The following FAT3 variants were observed in gnomAD, a reference collection of about 807,000 sequenced individuals.
FAT3 encodes the protein FAT atypical cadherin 3.
In FAT3, 95 loss-of-function variants were observed where a neutral mutation model predicts 310.2. The observed-to-expected ratio is 0.31, with a 90% confidence interval of 0.26 to 0.36. FAT3 has a LOEUF of 0.36. Ranked by LOEUF, FAT3 falls within the 10% of genes least tolerant of loss-of-function variation. The probability of loss-of-function intolerance (pLI) is 1.00; values close to 1 mark genes in which losing one functional copy is unlikely to be tolerated. For missense variants in FAT3, 5,408 were observed against 5,715.6 expected, an observed-to-expected ratio of 0.95 and a Z score of 1.74; for synonymous variants, 2,314 against 2,192.9, an observed-to-expected ratio of 1.06 and a Z score of -1.54.
Position 92,724,656 on chromosome 11 carries a change from A to G in FAT3, c.3669+27211A>G, listed in dbSNP as rs567980232. 2.6e-5 allele frequency among the ~76,000 whole-genome samples: 4 copies of G among 152,360 alleles called. No homozygotes were observed. In the South Asian group the frequency reaches 8.3e-4, roughly 32 times the overall value. On this transcript the variant is annotated intron_variant, in intron 4 of 27. Coordinates refer to ENST00000525166, the MANE Select transcript of FAT3 (RefSeq NM_001367949.2). The stretch of plus-strand genomic sequence containing the variant: ...TTATGAAGATGATTTGGGTATGTTA[A>G]GTACACACTCACAGTATTCATGTGT...
At chr11:92,240,439 G>C (rs1204623865) in intron 1 of FAT3, among the ~76,000 whole-genome samples, 1 of 151,868 alleles carries the variant, frequency 6.6e-6, no homozygotes, top group Non-Finnish European at 1.5e-5. Context: ...AGCCATGGCT[G>C]TATGTGTAAT....
At chr11:92,713,426 G>A (rs1234481048) in intron 4 of FAT3, among the ~76,000 whole-genome samples, 2 of 152,154 alleles carry the variant, frequency 1.3e-5, no homozygotes, top group Non-Finnish European at 1.5e-5. Context: ...TTTCTCTAAA[G>A]TGCTCAATTT....
At chr11:92,573,626 A>G (rs1938305605) in intron 3 of FAT3, among the ~76,000 whole-genome samples, 1 of 152,164 alleles carries the variant, frequency 6.6e-6, no homozygotes, top group African/African-American at 2.4e-5. Flanking sequence ...GGACAGAAAA[A>G]GAGAAGACAT....
At chr11:92,366,581 C>A in intron 2 of FAT3, 1 of 520,628 alleles carries the variant, frequency 1.9e-6, no homozygotes, top group South Asian at 1.5e-5. Context: ...TGATGGGCTT[C>A]AAGTCCTTGT....
chr11:92,436,780 T>G (rs1950949387), intron 2 of FAT3, among the ~76,000 whole-genome samples: 1 of 152,196 alleles, frequency 6.6e-6, no homozygotes, highest in African/African-American at 2.4e-5. Context: ...ACAGGCCCAC[T>G]TTGATATTCT....
chr11:92,437,417 C>A (rs1477623638), intron 2 of FAT3, among the ~76,000 whole-genome samples: 1 of 152,170 alleles, frequency 6.6e-6, no homozygotes, highest in African/African-American at 2.4e-5. Flanking sequence ...TGACCTTGGG[C>A]AAGCTATTTA....
At chr11:92,728,935 C>T (rs993608549) in intron 4 of FAT3, among the ~76,000 whole-genome samples, 3 of 152,170 alleles carry the variant, frequency 2.0e-5, no homozygotes, top group Non-Finnish European at 4.4e-5. Context: ...AACTTAATCG[C>T]ATTTGCAAAG....
chr11:92,235,569 ACT>A (rs1354565163), intron 1 of FAT3, among the ~76,000 whole-genome samples: 3 of 144,244 alleles, frequency 2.1e-5, no homozygotes, highest in Non-Finnish European at 4.6e-5. Context: ...AAATTGAATG[ACT>A]CTATTTGTTT....
At chr11:92,235,239 C>T (rs1304137228) in intron 1 of FAT3, among the ~76,000 whole-genome samples, 1 of 152,142 alleles carries the variant, frequency 6.6e-6, no homozygotes. Context: ...GCCCCTCTGC[C>T]TTTTTCTCTC....
chr11:92,699,542 G>A (rs1233594009), intron 4 of FAT3, among the ~76,000 whole-genome samples: 1 of 152,068 alleles, frequency 6.6e-6, no homozygotes, highest in Non-Finnish European at 1.5e-5. Flanking sequence ...TAGTATTTTG[G>A]AATATTTTCG....
intron 21 of FAT3, among the ~76,000 whole-genome samples, chr11:92,865,043 C>A (rs1949204659): frequency 6.6e-6 from 1 of 152,208 alleles, no homozygotes; most frequent in African/African-American, 2.4e-5. Flanking sequence ...CCAGACCATT[C>A]TCTCCAGGGT....
At chr11:92,690,487 C>T (rs1943768954) in intron 3 of FAT3, among the ~76,000 whole-genome samples, 1 of 152,150 alleles carries the variant, frequency 6.6e-6, no homozygotes, top group Non-Finnish European at 1.5e-5. Flanking sequence ...ATGAAACAAC[C>T]CTTACTTAAG....
At chr11:92,327,016 G>T (rs1947785870) in intron 1 of FAT3, among the ~76,000 whole-genome samples, 1 of 152,098 alleles carries the variant, frequency 6.6e-6, no homozygotes, top group Non-Finnish European at 1.5e-5. Context: ...CACTTTTCAA[G>T]GGGAAATAGG....
At chr11:92,282,852 A>C (rs1946466139) in intron 1 of FAT3, among the ~76,000 whole-genome samples, 1 of 151,924 alleles carries the variant, frequency 6.6e-6, no homozygotes, top group Non-Finnish European at 1.5e-5. Flanking sequence ...ACCAATTCTG[A>C]TTTATGCATT....
rs959690167 is a variant in FAT3 at position 92,253,708 on chromosome 11, C to G, written c.-18+28534C>G. 1.2e-4 allele frequency among the ~76,000 whole-genome samples: 18 copies of G among 152,242 alleles called. 1 individual carries two copies. Among genetic ancestry groups the G allele is most frequent in the African/African-American group, 4.1e-4 (17 of 41,556 alleles). Reference sequence around the variant, plus strand: ...AGGTTTCTTTTAATATGAAGCAATACTATTTTTAGTCAAAATTGTGACTGT... The same window carrying G: ...AGGTTTCTTTTAATATGAAGCAATAGTATTTTTAGTCAAAATTGTGACTGT... On this transcript the variant is annotated intron_variant, in intron 1 of 27. Coordinates refer to ENST00000525166, the MANE Select transcript of FAT3 (RefSeq NM_001367949.2).
intron 2 of FAT3, among the ~76,000 whole-genome samples, chr11:92,509,241 G>A (rs1953210196): frequency 1.3e-5 from 2 of 152,222 alleles, no homozygotes; most frequent in South Asian, 2.1e-4. Flanking sequence ...TAATCAAAAT[G>A]TGATCTGAAA....
intron 19 of FAT3, among the ~76,000 whole-genome samples, chr11:92,854,849 T>C (rs1948928127): frequency 6.6e-6 from 1 of 152,154 alleles, no homozygotes; most frequent in Admixed American, 6.5e-5. Context: ...TAGCTGTATC[T>C]CAGAAACACA....
rs745573144 is a variant in FAT3, at chr11:92,352,919, C to G, written c.807C>G (p.Val269=). The stretch of plus-strand genomic sequence containing the variant: ...AACATGCCCCAACAATCCATGTAGT[C>G]ACTCATGTTCCTTTCTCGTTGGAAA... The part of the protein sequence containing the change: ...INEHAPTIHV[V]THVPFSLEKE... The change falls in exon 2 of 28, where the codon GTC becomes GTG. Residue 269 remains valine (V), a synonymous_variant. Coordinates refer to ENST00000525166, the MANE Select transcript of FAT3 (RefSeq NM_001367949.2). The G allele has an allele frequency of 1.9e-6, 3 of 1,613,878 alleles. No homozygotes were observed. In the Admixed American group the frequency reaches 5.0e-5, roughly 27 times the overall value.
intron 1 of FAT3, among the ~76,000 whole-genome samples, chr11:92,238,911 A>G (rs565343891): frequency 1.5e-4 from 23 of 152,246 alleles, no homozygotes; most frequent in African/African-American, 5.5e-4. Flanking sequence ...GTTCTTGACA[A>G]TATTAATAAC....
Sources: gnomAD v4.1 joint callset for allele counts (sites outside exome capture counted in the v4.1 genomes callset) on GRCh38, gnomAD v4.1.1 for gene constraint, MANE v1.5 for transcripts, NCBI Gene and HGNC (gene_info 2026-07-23, HGNC 2026-07-21) for gene names.